Variants in DPP3 observed in about 807,000 individuals in gnomAD.
DPP3 encodes dipeptidyl peptidase 3.
A neutral mutation model predicts 89.8 loss-of-function variants in DPP3; 64 were observed. The ratio of observed to expected loss-of-function variants is 0.71; its 90% CI spans 0.58 to 0.88. DPP3 has a LOEUF of 0.88. DPP3 is among the 40% of genes least tolerant of loss of function. DPP3 has a pLI of 0.00. For missense variants in DPP3, 835 were observed against 972.5 expected, an observed-to-expected ratio of 0.86 and a Z score of 1.88; for synonymous variants, 377 against 404.3, an observed-to-expected ratio of 0.93 and a Z score of 0.81.
Position 66,493,103 on chromosome 11 carries a change from T to G in DPP3, c.1220T>G (p.Val407Gly). ...AGGCAGACGGAAGGCTTTAAGAACG[T>G]GTCGCTGGGGAATGTGCTGGCTGTG... ...DLRQTEGFKNVSLGNVLAVAY... is the reference protein window; with the variant it reads ...DLRQTEGFKNGSLGNVLAVAY... Residue 407 changes from valine (V) to glycine (G), a missense_variant, in exon 11 of 18, where the codon GTG becomes GGG. By Grantham distance (109) the Val-to-Gly change is moderately radical (BLOSUM62 -3). Coordinates refer to ENST00000531863, the MANE Select transcript of DPP3 (RefSeq NM_130443.4). 6.2e-7 allele frequency: 1 copy of G among 1,614,194 alleles called. No individual in the cohort carries two copies. Among genetic ancestry groups the G allele is most frequent in the South Asian group, 1.1e-5 (1 of 91,080 alleles).
In DPP3 at chr11:66,492,721, G is replaced by C. The variant is rs200473591; in HGVS notation, c.994G>C (p.Val332Leu). Residue 332 changes from valine to leucine, a missense_variant, in exon 10 of 18, where the codon GTA (valine) becomes CTA (leucine). Coordinates refer to ENST00000531863, the MANE Select transcript of DPP3 (RefSeq NM_130443.4). ...FGSRGEFEGF[V>L]AVVNKAMSAK... ...ACCCCCTCCCTCCTCTGCAGGTTTC[G>C]TAGCTGTGGTGAACAAGGCCATGAG... 1 of 1,586,180 alleles carries C rather than the reference G, an allele frequency of 6.3e-7. No homozygotes were observed. Among genetic ancestry groups the C allele is most frequent in the Non-Finnish European group, 8.6e-7 (1 of 1,167,408 alleles).
intron 6 of DPP3, among the ~76,000 whole-genome samples, chr11:66,489,721 C>T (rs758896159): frequency 4.6e-5 from 7 of 152,208 alleles, no homozygotes; most frequent in Non-Finnish European, 1.0e-4. Flanking sequence ...GTGACCATGT[C>T]TGGGGCCTCA....
At chr11:66,498,636 A>G (rs892656220) in intron 16 of DPP3, among the ~76,000 whole-genome samples, 12 of 152,232 alleles carry the variant, frequency 7.9e-5, no homozygotes, top group African/African-American at 2.7e-4. Context: ...GGAAAAAGAA[A>G]CAGCCCCAGA....
intron 16 of DPP3, among the ~76,000 whole-genome samples, chr11:66,502,117 TG>T (rs2134748439): frequency 6.6e-6 from 1 of 151,980 alleles, no homozygotes; most frequent in South Asian, 2.1e-4. Context: ...TGCTTGAACC[TG>T]GGAGGTGGAG....
chr11:66,494,093 C>G (rs551069113), intron 12 of DPP3, among the ~76,000 whole-genome samples: 4 of 152,132 alleles, frequency 2.6e-5, no homozygotes, highest in Non-Finnish European at 5.9e-5. Flanking sequence ...GCTGCTGTTC[C>G]GTGGAACCTG....
At chr11:66,486,813 G>T in intron 4 of DPP3, 136 bp downstream of exon 4, 1 of 1,101,368 alleles carries the variant, frequency 9.1e-7, no homozygotes, top group Non-Finnish European at 1.2e-6. Context: ...GCTCCCCACT[G>T]CAGGCCTCAG....
intron 2 of DPP3, among the ~76,000 whole-genome samples, chr11:66,483,945 G>A (rs1231172535): frequency 6.6e-6 from 1 of 151,998 alleles, no homozygotes; most frequent in African/African-American, 2.4e-5. Context: ...TAAACAGAAA[G>A]GTGCAACCCA....
chr11:66,502,603 GGGACTACA>G, intron 16 of DPP3, among the ~76,000 whole-genome samples: 1 of 152,300 alleles, frequency 6.6e-6, no homozygotes, highest in Admixed American at 6.5e-5. Flanking sequence ...CCGAGTAGCT[GGGACTACA>G]GGCACCCGCC....
intron 2 of DPP3, among the ~76,000 whole-genome samples, chr11:66,484,025 C>T (rs910713669): frequency 1.3e-4 from 19 of 151,926 alleles, no homozygotes; most frequent in African/African-American, 4.6e-4. Flanking sequence ...GTCACCAGGC[C>T]GGAGTGCAGT....
chr11:66,485,433 G>A (rs550142134), intron 3 of DPP3, among the ~76,000 whole-genome samples, 171 bp downstream of exon 3: 3 of 152,132 alleles, frequency 2.0e-5, no homozygotes, highest in African/African-American at 2.4e-5. Context: ...TGGGTGCTGC[G>A]GCCTCTTCGT....
intron 1 of DPP3, 98 bp downstream of exon 1, chr11:66,480,563 C>G: frequency 7.5e-7 from 1 of 1,327,522 alleles, no homozygotes; most frequent in Non-Finnish European, 9.9e-7. Context: ...TTTCTGCCCA[C>G]TCTCCAGTAC....
At chr11:66,480,522 G>C (rs934725411) in intron 1 of DPP3, 57 bp downstream of exon 1, 2 of 1,466,518 alleles carry the variant, frequency 1.4e-6, no homozygotes, top group Non-Finnish European at 1.8e-6. Context: ...GGGGACCAAG[G>C]CGAATCCATA....
intron 4 of DPP3, 36 bp downstream of exon 4, chr11:66,486,713 G>A (rs760914574): frequency 2.1e-6 from 3 of 1,460,060 alleles, no homozygotes; most frequent in Non-Finnish European, 2.7e-6. Flanking sequence ...GACAGGGAGT[G>A]GAGGGAATCC....
chr11:66,495,900 CT>C, intron 15 of DPP3, 150 bp downstream of exon 15: 1 of 1,333,850 alleles, frequency 7.5e-7, no homozygotes, highest in Non-Finnish European at 1.0e-6. Flanking sequence ...TCACATCACT[CT>C]TGTGAGCCCC....
At chr11:66,491,118 C>A in intron 6 of DPP3, 135 bp from the exon 7 acceptor site, 1 of 1,350,986 alleles carries the variant, frequency 7.4e-7, no homozygotes, top group Non-Finnish European at 1.0e-6. Flanking sequence ...CTGTTGGCTA[C>A]AGGGAGCCAT....
rs202017503 is a variant in DPP3, at chr11:66,509,191, G to T, written c.2154G>T (p.Leu718=). Residue 718 remains leucine (L), a synonymous_variant, in exon 18 of 18, where the codon CTG becomes CTT. Transcript: ENST00000531863. ...GPELEEILTQ[L]ATADARFWKG... ...AGTTGGAGGAGATCCTCACACAGCT[G>T]GCCACAGCCGATGCCCGATTCTGGA... is the stretch of plus-strand genomic sequence containing the variant. 12 of 1,614,034 alleles carry T rather than the reference G, an allele frequency of 7.4e-6. No individual in the cohort carries two copies. The highest frequency in any genetic ancestry group is 1.3e-5 in the African/African-American group (1 of 74,940).
chr11:66,504,634 T>G lies in DPP3; in HGVS notation c.1901T>G (p.Val634Gly). Reference sequence around the variant, plus strand: ...CAGGTGCTGAAGTCCACAGGGGATGTGGCCGGAGGGCGGGCCCTGTACGAG... The same window carrying G: ...CAGGTGCTGAAGTCCACAGGGGATGGGGCCGGAGGGCGGGCCCTGTACGAG... ...RLQVLKSTGD[V>G]AGGRALYEGY... The change falls in exon 17 of 18, where the codon GTG (valine) becomes GGG (glycine). Residue 634 changes from valine to glycine, a missense_variant. Coordinates refer to ENST00000531863, the MANE Select transcript of DPP3 (RefSeq NM_130443.4). 2 of 1,611,910 alleles carry G rather than the reference T, an allele frequency of 1.2e-6. No homozygotes were observed. The highest frequency in any genetic ancestry group is 1.7e-6 in the Non-Finnish European group (2 of 1,179,134).
chr11:66,495,258 CG>C lies in DPP3; in HGVS notation c.1445del (p.Gly482AlafsTer57). ...CAGGAAACAGTGATCAACCCAGAGACGGGCGAGCAGGTGAGGGAGGCCTCAG... is the reference window on the plus strand; with the variant it reads ...CAGGAAACAGTGATCAACCCAGAGACGGCGAGCAGGTGAGGGAGGCCTCAG... ...FDQETVINPE[T>X]GEQIQSWYRS... On this transcript the variant is annotated frameshift_variant, in exon 13 of 18. Transcript: ENST00000531863. LOFTEE classifies it high-confidence loss of function. 6.2e-7 allele frequency: 1 copy of C among 1,613,146 alleles called. No individual in the cohort carries two copies. The highest frequency in any genetic ancestry group is 8.5e-7 in the Non-Finnish European group (1 of 1,180,010).
chr11:66,491,218 AG>A (rs1855374625), intron 6 of DPP3, 34 bp from the exon 7 acceptor site: 4 of 1,611,312 alleles, frequency 2.5e-6, no homozygotes, highest in Non-Finnish European at 3.4e-6. Flanking sequence ...CTCTTACTCC[AG>A]CCTTTTCTCT....
Sources: gnomAD v4.1 joint callset for allele counts (sites outside exome capture counted in the v4.1 genomes callset) on GRCh38, gnomAD v4.1.1 for gene constraint, MANE v1.5 for transcripts, NCBI Gene and HGNC (gene_info 2026-07-23, HGNC 2026-07-21) for gene names.